The following PDE1C variants were observed in gnomAD, a reference collection of about 807,000 sequenced individuals.
The protein encoded by PDE1C is phosphodiesterase 1C, also known as dual specificity calcium/calmodulin-dependent 3',5'-cyclic nucleotide phosphodiesterase 1C.
Under a neutral mutation model 93.1 loss-of-function variants are expected in PDE1C, and 62 were observed. The ratio of observed to expected loss-of-function variants is 0.67; its 90% CI spans 0.54 to 0.82. The LOEUF is 0.82. Ranked by LOEUF, PDE1C falls within the 40% of genes least tolerant of loss-of-function variation. PDE1C has a pLI of 0.00. For missense variants in PDE1C, 742 were observed against 884.6 expected, an observed-to-expected ratio of 0.84 and a Z score of 2.04; for synonymous variants, 325 against 310.1, an observed-to-expected ratio of 1.05 and a Z score of -0.50.
At chr7:32,247,330 GTAAGGGCTCCTGTCTT>G (rs1418625064) in intron 1 of PDE1C, among the ~76,000 whole-genome samples, 5 of 124,846 alleles carry the variant, frequency 4.0e-5, no homozygotes, top group Admixed American at 1.6e-4. Context: ...CTGTATGAGG[GTAAGGGCTCCTGTCTT>G]AAGCATTGCT....
intron 2 of PDE1C, among the ~76,000 whole-genome samples, chr7:32,170,810 G>T (rs1802597803): frequency 6.7e-6 from 1 of 149,092 alleles, no homozygotes; most frequent in South Asian, 2.2e-4. Flanking sequence ...CCTTCCAGGG[G>T]TGTGCTTTTA....
At chr7:32,199,470 A>C (rs1804853003) in intron 2 of PDE1C, among the ~76,000 whole-genome samples, 1 of 152,096 alleles carries the variant, frequency 6.6e-6, no homozygotes, top group Admixed American at 6.5e-5. Context: ...ATTCTTTTAC[A>C]TCCACCATTT....
intron 1 of PDE1C, among the ~76,000 whole-genome samples, chr7:32,395,066 C>T (rs376078725): frequency 6.2e-4 from 95 of 152,232 alleles, no homozygotes; most frequent in African/African-American, 2.1e-3. Context: ...TTTAGAGCAA[C>T]GGCAAAATGA....
intron 2 of PDE1C, among the ~76,000 whole-genome samples, chr7:31,890,406 C>G (rs1761504864): frequency 6.6e-6 from 1 of 152,176 alleles, no homozygotes; most frequent in Non-Finnish European, 1.5e-5. Flanking sequence ...GGAAGCTGAG[C>G]AGAAATGAGA....
chr7:32,004,364 G>C (rs1785895285), intron 2 of PDE1C, among the ~76,000 whole-genome samples: 1 of 152,140 alleles, frequency 6.6e-6, no homozygotes. Context: ...ACAAAGGCCT[G>C]GAAAAGGTAA....
At chr7:31,805,610 A>G (rs918207023) in intron 16 of PDE1C, among the ~76,000 whole-genome samples, 2 of 143,206 alleles carry the variant, frequency 1.4e-5, no homozygotes, top group African/African-American at 5.3e-5. Flanking sequence ...CTCAATGGCT[A>G]TGGGTAATTG....
chr7:32,367,458 T>C (rs1432840324), intron 1 of PDE1C, among the ~76,000 whole-genome samples: 4 of 152,194 alleles, frequency 2.6e-5, no homozygotes, highest in Non-Finnish European at 1.5e-5. Context: ...TTTTAAAAGA[T>C]ATATACCTGC....
At position 31,929,655 on chromosome 7, in the gene PDE1C, G is replaced by A. The variant is rs576169665; in HGVS notation, c.129-48795C>T. Among the ~76,000 whole-genome samples, 8 of 152,148 alleles carry A rather than the reference G, an allele frequency of 5.3e-5. No homozygotes were observed. In the South Asian group the frequency reaches 1.2e-3, roughly 24 times the overall value. ...TCACTCAAAACCACACAACTACATG[G>A]AAATGGAACAAACCTGCTCCTGAAT... is the stretch of plus-strand genomic sequence containing the variant. On this transcript the variant is annotated intron_variant, in intron 2 of 17. Coordinates refer to ENST00000396191, the MANE Select transcript of PDE1C (RefSeq NM_001191057.4).
chr7:32,209,484 C>T (rs1437568377), intron 2 of PDE1C: 2 of 1,570,324 alleles, frequency 1.3e-6, no homozygotes, highest in Non-Finnish European at 1.7e-6. Flanking sequence ...ACAAGATTTA[C>T]TCACGAGAGA....
intron 3 of PDE1C, among the ~76,000 whole-genome samples, chr7:32,112,105 T>C (rs368137415): frequency 2.9e-4 from 44 of 152,310 alleles, no homozygotes; most frequent in East Asian, 1.5e-3. Context: ...AATCCTTGTA[T>C]TGAAGAGCAC....
the PDE1C span, among the ~76,000 whole-genome samples, chr7:31,659,334 A>G: frequency 6.6e-6 from 1 of 152,160 alleles, no homozygotes; most frequent in African/African-American, 2.4e-5. Context: ...TGAACTTCAC[A>G]TTGTTTTGAG....
At chr7:31,672,851 G>C in the PDE1C span, among the ~76,000 whole-genome samples, 2 of 152,186 alleles carry the variant, frequency 1.3e-5, no homozygotes. Context: ...TGTCGATGGA[G>C]AGACCTGGTG....
At position 31,850,679 on chromosome 7, in the gene PDE1C, C is replaced by T; in HGVS notation, c.813G>A (p.Glu271=). Reference sequence around the variant, plus strand: ...GGAAATTGTTGGTGGTTCCGGTATGCTCGTAGTCATGGATGGCAGCTGAGA... The same window carrying T: ...GGAAATTGTTGGTGGTTCCGGTATGTTCGTAGTCATGGATGGCAGCTGAGA... ...IIFSAAIHDY[E]HTGTTNNFHI... The change falls in exon 8 of 18, where the codon GAG becomes GAA. Residue 271 remains glutamate, a synonymous_variant. Transcript: ENST00000396191. 1 of 1,613,504 alleles carries T rather than the reference C, an allele frequency of 6.2e-7. No homozygotes were observed. Among genetic ancestry groups the T allele is most frequent in the Non-Finnish European group, 8.5e-7 (1 of 1,179,556 alleles).
At chr7:32,067,016 C>T (rs1795483671) in intron 1 of PDE1C, among the ~76,000 whole-genome samples, 1 of 152,314 alleles carries the variant, frequency 6.6e-6, no homozygotes, top group Admixed American at 6.5e-5. Context: ...CAGCACCCTC[C>T]CTGGAAATCA....
chr7:32,415,962 C>T (rs1056554993), intron 1 of PDE1C, among the ~76,000 whole-genome samples: 1 of 152,186 alleles, frequency 6.6e-6, no homozygotes, highest in Admixed American at 6.5e-5. Context: ...AGGGGAGTGG[C>T]GGTGTGACCA....
At chr7:31,915,576 T>G (rs549189179) in intron 2 of PDE1C, among the ~76,000 whole-genome samples, 1 of 152,318 alleles carries the variant, frequency 6.6e-6, no homozygotes, top group South Asian at 2.1e-4. Flanking sequence ...AGAATTTTTA[T>G]CTGGGTTTAG....
At chr7:32,071,006 C>T (rs969449568), upstream of PDE1C, 5 of 985,354 alleles carry the variant, frequency 5.1e-6, no homozygotes, top group Non-Finnish European at 6.0e-6. Flanking sequence ...AGCGAGAAAA[C>T]TGACAAGTGA....
At chr7:32,235,054 C>A (rs1807974790) in intron 1 of PDE1C, among the ~76,000 whole-genome samples, 1 of 152,030 alleles carries the variant, frequency 6.6e-6, no homozygotes, top group Admixed American at 6.6e-5. Context: ...AATTAAACAT[C>A]TGTTCATGAT....
At chr7:32,062,249 C>T (rs1381311501) in intron 1 of PDE1C, among the ~76,000 whole-genome samples, 2 of 152,202 alleles carry the variant, frequency 1.3e-5, no homozygotes, top group Non-Finnish European at 2.9e-5. Context: ...TCTTCCTCAT[C>T]CCCCATATCC....
Sources: gnomAD v4.1 joint callset for allele counts (sites outside exome capture counted in the v4.1 genomes callset) on GRCh38, gnomAD v4.1.1 for gene constraint, MANE v1.5 for transcripts, NCBI Gene and HGNC (gene_info 2026-07-23, HGNC 2026-07-21) for gene names.